The following CDH8 variants were observed in gnomAD, a reference collection of about 807,000 sequenced individuals.
CDH8 encodes cadherin 8.
A neutral mutation model predicts 68.1 loss-of-function variants in CDH8; 17 were observed. The observed-to-expected ratio is 0.25, with a 90% CI of 0.17 to 0.37. The LOEUF is 0.37. Among genes scored for constraint, CDH8 ranks in the 10% least tolerant of loss-of-function variants. CDH8 has a pLI of 1.00. For synonymous variants in CDH8, 372 were observed against 365.1 expected (o/e 1.02, Z -0.21); for missense variants, 763 against 999.3 (o/e 0.76, Z 3.19).
chr16:61,684,372 GAGA>G (rs1340579084), intron 10 of CDH8, among the ~76,000 whole-genome samples: 3 of 151,976 alleles, frequency 2.0e-5, no homozygotes, highest in African/African-American at 4.8e-5. Flanking sequence ...GGTATTACTT[GAGA>G]AGAAGAACCC....
At position 62,018,658 on chromosome 16, in the gene CDH8, T is replaced by C. The variant is rs145591906; in HGVS notation, c.252+2494A>G. Among the ~76,000 whole-genome samples the C allele has an allele frequency of 5.9e-3, 893 of 152,312 alleles. 3 individuals carry two copies. The highest frequency in any genetic ancestry group is 8.6e-3 in the Non-Finnish European group (586 of 68,026). ...ATTTTTCTTTAAAGGGAAATAGGTATGATGGGAAATGTTCGCAGAAAAGTT... is the reference window on the plus strand; with the variant it reads ...ATTTTTCTTTAAAGGGAAATAGGTACGATGGGAAATGTTCGCAGAAAAGTT... On this transcript the variant is annotated intron_variant, in intron 2 of 11. Coordinates refer to ENST00000577390, the MANE Select transcript of CDH8 (RefSeq NM_001796.5).
chr16:61,960,348 T>TACACATACATATATAC lies in CDH8; in HGVS notation c.253-58876_253-58875insGTATATATGTATGTGT, dbSNP rs1567546610. 1.4e-4 allele frequency among the ~76,000 whole-genome samples: 4 copies of TACACATACATATATAC among 28,806 alleles called. 1 individual carries two copies. Among genetic ancestry groups the TACACATACATATATAC allele is most frequent in the African/African-American group, 2.5e-4 (1 of 4,074 alleles). The allele number at this position is 28,806 out of a possible 152,430, so 18.9% of individuals were successfully genotyped here. On this transcript the variant is annotated intron_variant, in intron 2 of 11. Transcript: ENST00000577390. ...GTGTGTGTATACACACATATATACATGTGTGTGTGTATACACATACATATA... is the reference window on the plus strand; with the variant it reads ...GTGTGTGTATACACACATATATACATACACATACATATATACGTGTGTGTGTATACACATACATATA...
intron 4 of CDH8, among the ~76,000 whole-genome samples, chr16:61,840,282 G>C (rs1044746573): frequency 2.0e-5 from 3 of 152,038 alleles, no homozygotes; most frequent in African/African-American, 4.8e-5. Flanking sequence ...AAAAAGCATT[G>C]TAATACCTCT....
intron 5 of CDH8, among the ~76,000 whole-genome samples, chr16:61,821,598 TA>T (rs1469813926): frequency 6.6e-6 from 1 of 152,094 alleles, no homozygotes; most frequent in Non-Finnish European, 1.5e-5. Flanking sequence ...CCATTTTTGA[TA>T]AAATTCAATT....
chr16:61,691,970 G>C (rs566890838), intron 10 of CDH8: 1 of 152,236 alleles, frequency 6.6e-6, no homozygotes, highest in South Asian at 2.1e-4. Context: ...ATTAATATGT[G>C]AGAAAGTCAG....
intron 1 of CDH8, among the ~76,000 whole-genome samples, chr16:62,029,952 A>G (rs532960456): frequency 6.6e-6 from 1 of 152,358 alleles, no homozygotes; most frequent in African/African-American, 2.4e-5. Context: ...CTTACATCCC[A>G]TAATGGGGGC....
Position 61,847,541 on chromosome 16 carries a change from TATATATATATA to T in CDH8, c.667+9567_667+9577del, listed in dbSNP as rs1962834434. On this transcript the variant is annotated intron_variant, in intron 4 of 11. Transcript: ENST00000577390. ...CTTCTGTAAGCTTCCAATCATTTTA[TATATATATATA>T]TATATATATATATATATGTAATTAA... Among the ~76,000 whole-genome samples, 3 of 30,360 alleles carry T rather than the reference TATATATATATA, an allele frequency of 9.9e-5. No homozygotes were observed. The African/African-American group carries it at 3.1e-3, about 32-fold the overall frequency. 19.9% of individuals were successfully genotyped at this position (30,360 alleles called of 152,430 possible).
rs565620431 is a variant in CDH8 at position 61,792,866 on chromosome 16, A to T, written c.1278-3384T>A. On this transcript the variant is annotated intron_variant, in intron 7 of 11. Transcript: ENST00000577390. ...GTATAACACAGTGTGAAGGGCCCTC[A>T]TATCATTTGTATCATGGTGACATCC... 9.9e-5 allele frequency among the ~76,000 whole-genome samples: 15 copies of T among 152,088 alleles called. No individual in the cohort carries two copies. The South Asian group carries it at 2.1e-3, about 21-fold the overall frequency.
intron 2 of CDH8, among the ~76,000 whole-genome samples, chr16:61,921,272 T>G (rs202245139): frequency 1.5e-5 from 2 of 136,702 alleles, no homozygotes; most frequent in Non-Finnish European, 3.1e-5. Context: ...ATAATAATAA[T>G]AAAAGAAAAA....
At position 61,716,665 on chromosome 16, in the gene CDH8, T is replaced by C. The variant is rs564432443; in HGVS notation, c.1537-2707A>G. ...AGCTCATGTCAAGCTCAGTGCATTA[T>C]ATGCTGGGGAGAAGGTGGCTGAACT... On this transcript the variant is annotated intron_variant, in intron 9 of 11. Transcript: ENST00000577390. 9.9e-5 allele frequency among the ~76,000 whole-genome samples: 15 copies of C among 151,866 alleles called. No homozygotes were observed. The South Asian group carries it at 2.3e-3, about 23-fold the overall frequency.
At chr16:61,781,433 A>AC (rs2142992300) in intron 8 of CDH8, among the ~76,000 whole-genome samples, 1 of 152,244 alleles carries the variant, frequency 6.6e-6, no homozygotes, top group African/African-American at 2.4e-5. Context: ...TTTCTAAAAA[A>AC]AAAACCAAAA....
chr16:61,813,647 T>G (rs905776460), intron 7 of CDH8, among the ~76,000 whole-genome samples: 1 of 152,098 alleles, frequency 6.6e-6, no homozygotes, highest in East Asian at 1.9e-4. Context: ...GTGGGGAGCC[T>G]GTTAGCATGA....
intron 2 of CDH8, among the ~76,000 whole-genome samples, chr16:61,923,337 T>C (rs1034165106): frequency 6.6e-6 from 1 of 152,172 alleles, no homozygotes; most frequent in African/African-American, 2.4e-5. Flanking sequence ...AAGCATTATC[T>C]GAACTAAAAT....
chr16:61,939,541 A>G (rs1477837720), intron 2 of CDH8, among the ~76,000 whole-genome samples: 2 of 152,216 alleles, frequency 1.3e-5, no homozygotes, highest in Non-Finnish European at 2.9e-5. Flanking sequence ...CTATTTCATA[A>G]CATGACATTA....
In CDH8 at chr16:61,715,526, G is replaced by A. The variant is rs147753069; in HGVS notation, c.1537-1568C>T. ...TGACAGTTTCTGGTTTCTAGTCAATGTTCAATAAAATTTTAGTCATCATAT... is the reference window on the plus strand; with the variant it reads ...TGACAGTTTCTGGTTTCTAGTCAATATTCAATAAAATTTTAGTCATCATAT... On this transcript the variant is annotated intron_variant, in intron 9 of 11. Transcript: ENST00000577390. 1.6e-3 allele frequency among the ~76,000 whole-genome samples: 239 copies of A among 151,584 alleles called. 2 individuals are homozygous for A. In the Middle Eastern group the frequency reaches 0.024, roughly 15 times the overall value.
chr16:61,669,449 C>T (rs146848416), intron 10 of CDH8, among the ~76,000 whole-genome samples: 5 of 152,066 alleles, frequency 3.3e-5, no homozygotes, highest in African/African-American at 7.2e-5. Context: ...CTTTTTAGTA[C>T]GTGCATCCTA....
intron 10 of CDH8, among the ~76,000 whole-genome samples, chr16:61,703,918 T>A (rs967787341): frequency 6.6e-6 from 1 of 152,180 alleles, no homozygotes; most frequent in African/African-American, 2.4e-5. Context: ...TATTAAACAG[T>A]GTTTGTGTGT....
intron 3 of CDH8, among the ~76,000 whole-genome samples, chr16:61,859,458 C>T (rs1285929797): frequency 6.6e-6 from 1 of 152,090 alleles, no homozygotes; most frequent in Non-Finnish European, 1.5e-5. Context: ...AGATGGGGAG[C>T]ACTGGCTTTA....
rs1964073512 is a variant in CDH8, at chr16:61,907,006, A to C, written c.253-5533T>G. On this transcript the variant is annotated intron_variant, in intron 2 of 11. Transcript: ENST00000577390. ...CACAGTCATCACTGCTTTCAAAATC[A>C]GAGTAAGAACCCTGGTCTTCAGTAT... is the stretch of plus-strand genomic sequence containing the variant. Among the ~76,000 whole-genome samples the C allele has an allele frequency of 1.3e-5, 2 of 152,232 alleles. 1 individual carries two copies. Among genetic ancestry groups the C allele is most frequent in the South Asian group, 4.1e-4 (2 of 4,830 alleles).
Sources: gnomAD v4.1 joint callset for allele counts (sites outside exome capture counted in the v4.1 genomes callset) on GRCh38, gnomAD v4.1.1 for gene constraint, MANE v1.5 for transcripts, NCBI Gene and HGNC (gene_info 2026-07-23, HGNC 2026-07-21) for gene names.